GMNC: variants seen among roughly 807,000 people sequenced by gnomAD.
GMNC encodes geminin coiled-coil domain containing.
GMNC carries 16 observed loss-of-function variants against 33.6 expected under a neutral mutation model. That is an observed-to-expected ratio of 0.48 (90% CI 0.32 to 0.72). The LOEUF is 0.72. GMNC is among the 30% of genes least tolerant of loss of function. The probability of loss-of-function intolerance (pLI) is 0.03; values close to 1 mark genes in which losing one functional copy is unlikely to be tolerated. For missense variants in GMNC, 393 were observed against 388.9 expected (o/e 1.01, Z -0.09); for synonymous variants, 156 against 147.3 (o/e 1.06, Z -0.43).
Position 190,855,212 on chromosome 3 carries a change from T to G in GMNC, c.*83A>C. 1 of 1,358,782 alleles carries G rather than the reference T, an allele frequency of 7.4e-7. No homozygotes were observed. The highest frequency in any genetic ancestry group is 2.3e-5 in the Admixed American group (1 of 43,084). 84.2% of individuals were successfully genotyped at this position (1,358,782 alleles called of 1,614,324 possible). ...GAGACAGTCTAAGCAACAGCTTCTG[T>G]GTTCCACATAGTCAAATTCAAGTGC... On this transcript the variant is annotated 3_prime_UTR_variant, in exon 5 of 5. Transcript: ENST00000442080.
In GMNC at chr3:190,857,916, G is replaced by A; in HGVS notation, c.268-17C>T. On this transcript the variant is annotated splice_polypyrimidine_tract_variant and intron_variant, in intron 3 of 4. Transcript: ENST00000442080. The stretch of plus-strand genomic sequence containing the variant: ...ATCTTGCAGCTACAAAAAGCAGACA[G>A]TGGTGAAGGCTGCTCCACTATATTG... 1.5e-6 allele frequency: 2 copies of A among 1,345,722 alleles called. No homozygotes were observed. The highest frequency in any genetic ancestry group is 1.3e-5 in the South Asian group (1 of 79,892). The allele number at this position is 1,345,722 out of a possible 1,614,324, so 83.4% of individuals were successfully genotyped here.
At chr3:190,858,399 T>G (rs984939628) in intron 3 of GMNC, among the ~76,000 whole-genome samples, 3 of 152,054 alleles carry the variant, frequency 2.0e-5, no homozygotes, top group African/African-American at 7.2e-5. Flanking sequence ...CATGTTTAAA[T>G]AAATAAATAA....
Position 190,854,196 on chromosome 3 carries a change from C to G in GMNC, c.*1099G>C, listed in dbSNP as rs1489612343. On this transcript the variant is annotated 3_prime_UTR_variant, in exon 5 of 5. Transcript: ENST00000442080. ...CAATTCATAGAATATTAGTAATTAT[C>G]TAGTCCAACTTCTGTATTCTACAGT... is the stretch of plus-strand genomic sequence containing the variant. 1 of 152,158 alleles carries G rather than the reference C, an allele frequency of 6.6e-6. No individual in the cohort carries two copies. Among genetic ancestry groups the G allele is most frequent in the Non-Finnish European group, 1.5e-5 (1 of 68,032 alleles). The allele number at this position is 152,158 out of a possible 1,614,324, so 9.4% of individuals were successfully genotyped here.
chr3:190,847,591 C>T, the GMNC span, among the ~76,000 whole-genome samples: 1 of 152,154 alleles, frequency 6.6e-6, no homozygotes, highest in African/African-American at 2.4e-5. Context: ...ATCCAGGTTA[C>T]TCTGCTGTCT....
In GMNC at chr3:190,855,303, G is replaced by T; in HGVS notation, c.997C>A (p.Gln333Lys). Reference sequence around the variant, plus strand: ...TGATAAAAGAGGGGTCACTAAGACTGCTTAGGGACCCAGGTAAACTTCCAG... The same window carrying T: ...TGATAAAAGAGGGGTCACTAAGACTTCTTAGGGACCCAGGTAAACTTCCAG... ...GGWKFTWVPK[Q>K]S Residue 333 changes from glutamine to lysine, a missense_variant, in exon 5 of 5, where the codon CAG becomes AAG. Transcript: ENST00000442080. 2 of 1,551,274 alleles carry T rather than the reference G, an allele frequency of 1.3e-6. No individual in the cohort carries two copies. Among genetic ancestry groups the T allele is most frequent in the Non-Finnish European group, 1.7e-6 (2 of 1,146,664 alleles).
In GMNC at chr3:190,854,037, T is replaced by C. The variant is rs886190386; in HGVS notation, c.*1258A>G. 3.9e-5 allele frequency: 6 copies of C among 152,190 alleles called. No homozygotes were observed. The highest frequency in any genetic ancestry group is 7.2e-5 in the African/African-American group (3 of 41,442). The allele number at this position is 152,190 out of a possible 1,614,324, so 9.4% of individuals were successfully genotyped here. A position where few individuals can be genotyped will look rare whatever the true frequency, so the allele number is the denominator to read the frequency against. On this transcript the variant is annotated 3_prime_UTR_variant, in exon 5 of 5. Transcript: ENST00000442080. The stretch of plus-strand genomic sequence containing the variant: ...TCTAATGTTAACTTCAAATGACTTA[T>C]GTTTTTGAATTTTATTAATTGTACA...
rs915253972 is a variant in GMNC at position 190,861,497 on chromosome 3, T to G, written c.4-639A>C. On this transcript the variant is annotated intron_variant, in intron 1 of 4. Coordinates refer to ENST00000442080, the MANE Select transcript of GMNC (RefSeq NM_001146686.3). The surrounding 1 kb of genome is among the most constrained non-coding windows in gnomAD (Gnocchi z 5.1). ...ATCTATCTATCTATCTATCTATCTATCTATCTATCTATCTCTGTCCCAGAG... is the reference window on the plus strand; with the variant it reads ...ATCTATCTATCTATCTATCTATCTAGCTATCTATCTATCTCTGTCCCAGAG... Among the ~76,000 whole-genome samples the G allele has an allele frequency of 2.6e-5, 4 of 151,826 alleles. No homozygotes were observed. Among genetic ancestry groups the G allele is most frequent in the Non-Finnish European group, 4.4e-5 (3 of 67,958 alleles).
At chr3:190,849,899 A>C (rs181950540), downstream of GMNC, among the ~76,000 whole-genome samples, 1 of 152,320 alleles carries the variant, frequency 6.6e-6, no homozygotes, top group Admixed American at 6.5e-5. Flanking sequence ...ACAGGTATAA[A>C]ATTTATTTTC....
At chr3:190,856,152 C>A (rs1346741069) in intron 4 of GMNC, among the ~76,000 whole-genome samples, 1 of 150,212 alleles carries the variant, frequency 6.7e-6, no homozygotes, top group African/African-American at 2.4e-5. Context: ...TCAGCACCGG[C>A]AAGTTATTAT....
chr3:190,862,523 G>A lies in GMNC; in HGVS notation c.3+90C>T. The A allele has an allele frequency of 3.0e-6, 3 of 996,152 alleles. No homozygotes were observed. The highest frequency in any genetic ancestry group is 4.0e-5 in the Admixed American group (2 of 50,302). The allele number at this position is 996,152 out of a possible 1,614,324, so 61.7% of individuals were successfully genotyped here. A position where few individuals can be genotyped will look rare whatever the true frequency, so the allele number is the denominator to read the frequency against. ...GCGGGTAGCGGAGAAATCTTGCTCC[G>A]AAGGTGGAATAAATTCTAAATGCAA... On this transcript the variant is annotated intron_variant, in intron 1 of 4. Transcript: ENST00000442080. This position sits in a 1 kb window ranked among gnomAD's most constrained non-coding sequence, Gnocchi z 4.5.
chr3:190,848,917 G>T (rs928991031), downstream of GMNC, among the ~76,000 whole-genome samples: 1 of 152,090 alleles, frequency 6.6e-6, no homozygotes, highest in African/African-American at 2.4e-5. Flanking sequence ...AAGGGAGTGG[G>T]AATCTCTGTA....
downstream of GMNC, among the ~76,000 whole-genome samples, chr3:190,850,456 A>G (rs538277251): frequency 6.6e-5 from 10 of 152,174 alleles, no homozygotes; most frequent in Non-Finnish European, 1.3e-4. Flanking sequence ...GTCTGTCCAA[A>G]TAATGCCCAC....
intron 4 of GMNC, among the ~76,000 whole-genome samples, chr3:190,856,255 A>ATAT (rs1737734199): frequency 1.4e-5 from 2 of 141,582 alleles, no homozygotes; most frequent in South Asian, 4.3e-4. Flanking sequence ...TTATTTATAA[A>ATAT]TATTTATAAA....
chr3:190,846,804 T>C, the GMNC span, among the ~76,000 whole-genome samples: 6 of 152,362 alleles, frequency 3.9e-5, no homozygotes, highest in African/African-American at 1.4e-4. Context: ...TTTTTCACTT[T>C]GGCTGATTTT....
Position 190,861,983 on chromosome 3 carries a change from T to C in GMNC, c.3+630A>G, listed in dbSNP as rs781219122. Among the ~76,000 whole-genome samples, 3 of 151,642 alleles carry C rather than the reference T, an allele frequency of 2.0e-5. No individual in the cohort carries two copies. Among genetic ancestry groups the C allele is most frequent in the Non-Finnish European group, 4.4e-5 (3 of 67,832 alleles). On this transcript the variant is annotated intron_variant, in intron 1 of 4. Coordinates refer to ENST00000442080, the MANE Select transcript of GMNC (RefSeq NM_001146686.3). The surrounding 1 kb of genome is among the most constrained non-coding windows in gnomAD (Gnocchi z 5.1). Reference sequence around the variant, plus strand: ...AGAAAAAAGAGAAAAAAAAGTTAAGTCAATTCAATCGCACTTTGTTAATGT... The same window carrying C: ...AGAAAAAAGAGAAAAAAAAGTTAAGCCAATTCAATCGCACTTTGTTAATGT...
intron 4 of GMNC, among the ~76,000 whole-genome samples, chr3:190,856,774 T>C (rs1737755729): frequency 6.6e-6 from 1 of 151,712 alleles, no homozygotes; most frequent in South Asian, 2.1e-4. Context: ...ACTTCTGAGA[T>C]ATATTATTAT....
the GMNC span, among the ~76,000 whole-genome samples, chr3:190,843,657 C>T: frequency 6.6e-6 from 1 of 152,120 alleles, no homozygotes; most frequent in East Asian, 1.9e-4. Flanking sequence ...AAGTTGTATC[C>T]TACATTTTTT....
intron 4 of GMNC, among the ~76,000 whole-genome samples, chr3:190,856,330 A>G (rs999548257): frequency 1.4e-5 from 2 of 143,636 alleles, no homozygotes; most frequent in South Asian, 4.2e-4. Context: ...AATATTTATA[A>G]ATAAATAAAA....
At chr3:190,856,149 C>G (rs182756879) in intron 4 of GMNC, among the ~76,000 whole-genome samples, 1 of 150,054 alleles carries the variant, frequency 6.7e-6, no homozygotes, top group Non-Finnish European at 1.5e-5. Context: ...ATTTCAGCAC[C>G]GGCAAGTTAT....
Sources: gnomAD v4.1 joint callset for allele counts (sites outside exome capture counted in the v4.1 genomes callset) on GRCh38, gnomAD v4.1.1 for gene constraint, Gnocchi (gnomAD v3.1) non-coding constraint, MANE v1.5 for transcripts, NCBI Gene and HGNC (gene_info 2026-07-23, HGNC 2026-07-21) for gene names.